The following INVS variants were observed in gnomAD, a reference collection of about 807,000 sequenced individuals.
The protein encoded by INVS is inversin, also known as inversion of embryo turning homolog.
INVS carries 86 observed loss-of-function variants against 108.8 expected under a neutral mutation model. That is an observed-to-expected ratio of 0.79 (90% CI 0.66 to 0.95). The LOEUF (loss-of-function observed/expected upper bound fraction) is 0.95, where lower values mean the gene tolerates loss of function less well. Among genes scored for constraint, INVS ranks in the 40% least tolerant of loss-of-function variants. The pLI is 0.00. For synonymous variants in INVS, 455 were observed against 473.5 expected (o/e 0.96, Z 0.51); for missense variants, 1,169 against 1,297.4 (o/e 0.90, Z 1.52).
At chr9:100,183,663 C>A (rs143628404) in intron 3 of INVS, among the ~76,000 whole-genome samples, 4 of 151,698 alleles carry the variant, frequency 2.6e-5, no homozygotes, top group East Asian at 3.9e-4. Context: ...TGTGGTGATG[C>A]GCCTGTAGTC....
chr9:100,194,014 T>C (rs1321717030), intron 3 of INVS, among the ~76,000 whole-genome samples: 1 of 152,252 alleles, frequency 6.6e-6, no homozygotes, highest in African/African-American at 2.4e-5. Flanking sequence ...TGTTTTGGGC[T>C]ATTACTAATG....
rs1827020587 is a variant in INVS at position 100,102,296 on chromosome 9, A to C, written c.-24-2202A>C. On this transcript the variant is annotated intron_variant, in intron 1 of 16. Transcript: ENST00000262457. ...GTGTTTTTAGTAGGGACGGGGTTTC[A>C]CCATATTGGTCAGGCTGGTCTCTCA... 2.0e-5 allele frequency among the ~76,000 whole-genome samples: 3 copies of C among 151,984 alleles called. No homozygotes were observed. In the South Asian group the frequency reaches 6.2e-4, roughly 32 times the overall value.
intron 3 of INVS, among the ~76,000 whole-genome samples, chr9:100,138,175 G>A (rs1447306316): frequency 6.6e-6 from 1 of 152,196 alleles, no homozygotes; most frequent in African/African-American, 2.4e-5. Flanking sequence ...GGAGGCTGAG[G>A]CAGGTGGATC....
intron 3 of INVS, among the ~76,000 whole-genome samples, chr9:100,133,785 A>ACACACACACACACACT (rs1280925232): frequency 6.6e-6 from 1 of 151,190 alleles, no homozygotes; most frequent in Non-Finnish European, 1.5e-5. Flanking sequence ...ACACACACAC[A>ACACACACACACACACT]CACACACACA....
At chr9:100,275,360 G>A (rs776615202) in intron 12 of INVS, among the ~76,000 whole-genome samples, 1 of 152,124 alleles carries the variant, frequency 6.6e-6, no homozygotes, top group Non-Finnish European at 1.5e-5. Flanking sequence ...TTCAAAATTT[G>A]TAGTCATACC....
At chr9:100,196,256 C>T (rs558552990) in intron 3 of INVS, among the ~76,000 whole-genome samples, 1 of 152,152 alleles carries the variant, frequency 6.6e-6, no homozygotes, top group South Asian at 2.1e-4. Flanking sequence ...TCTCCAAGGC[C>T]CCTCAGGAAG....
chr9:100,283,286 A>G (rs1833333970), intron 12 of INVS, among the ~76,000 whole-genome samples: 1 of 152,236 alleles, frequency 6.6e-6, no homozygotes, highest in South Asian at 2.1e-4. Flanking sequence ...ACTCTAGCCT[A>G]GGTAAAAGAC....
chr9:100,142,047 G>C (rs1252875324), intron 3 of INVS, among the ~76,000 whole-genome samples: 1 of 152,206 alleles, frequency 6.6e-6, no homozygotes, highest in Admixed American at 6.5e-5. Flanking sequence ...CTAGCTGCTT[G>C]TCTAGCCACC....
chr9:100,284,296 CT>C, intron 12 of INVS, 23 bp from the exon 13 acceptor site: 1 of 1,613,026 alleles, frequency 6.2e-7, no homozygotes, highest in Non-Finnish European at 8.5e-7. Context: ...ATTTTTTCAT[CT>C]TCTTCTTTGG....
chr9:100,278,685 G>A (rs1833184463), intron 12 of INVS, among the ~76,000 whole-genome samples: 1 of 152,210 alleles, frequency 6.6e-6, no homozygotes, highest in South Asian at 2.1e-4. Context: ...CTGTCAAACG[G>A]AAGGGTTAGA....
intron 2 of INVS, chr9:100,117,187 G>T (rs2118862835): frequency 9.3e-7 from 1 of 1,078,486 alleles, no homozygotes; most frequent in Non-Finnish European, 1.4e-6. Context: ...TACGGATGGT[G>T]GTGGCCACTT....
In INVS at chr9:100,117,656, T is replaced by C. The variant is rs1827586416; in HGVS notation, c.107-8727T>C. The C allele has an allele frequency of 4.6e-5, 27 of 586,850 alleles. 1 individual carries two copies. The South Asian group carries it at 5.4e-4, about 12-fold the overall frequency. The allele number at this position is 586,850 out of a possible 1,614,324, so 36.4% of individuals were successfully genotyped here. A position where few individuals can be genotyped will look rare whatever the true frequency, so the allele number is the denominator to read the frequency against. ...TGCACCGGCGTTATCAGCCATTTGG[T>C]GTTTTCTCGGAGAAGAAGCAGTTAT... On this transcript the variant is annotated intron_variant, in intron 2 of 16. Coordinates refer to ENST00000262457, the MANE Select transcript of INVS (RefSeq NM_014425.5).
chr9:100,184,709 A>C (rs576627749), intron 3 of INVS, among the ~76,000 whole-genome samples: 4 of 152,186 alleles, frequency 2.6e-5, no homozygotes, highest in African/African-American at 9.6e-5. Context: ...CATGGTATAC[A>C]AAAAAATGCA....
At chr9:100,193,194 G>T (rs1412189849) in intron 3 of INVS, among the ~76,000 whole-genome samples, 2 of 151,956 alleles carry the variant, frequency 1.3e-5, no homozygotes, top group African/African-American at 2.4e-5. Context: ...TGCCCAGGCT[G>T]GTCTTATACT....
At chr9:100,163,130 A>G (rs937554451) in intron 3 of INVS, among the ~76,000 whole-genome samples, 1 of 147,122 alleles carries the variant, frequency 6.8e-6, no homozygotes, top group Non-Finnish European at 1.5e-5. Context: ...AGCTCTACAG[A>G]CTCTTTCTTG....
chr9:100,201,795 A>G (rs1364020411), intron 3 of INVS, among the ~76,000 whole-genome samples: 1 of 152,246 alleles, frequency 6.6e-6, no homozygotes, highest in Non-Finnish European at 1.5e-5. Context: ...GTATACTTTA[A>G]ACAGCTATCC....
In INVS at chr9:100,272,970, T is replaced by G. The variant is rs1374334621; in HGVS notation, c.1678T>G (p.Phe560Val). The G allele has an allele frequency of 1.2e-6, 2 of 1,614,062 alleles. No homozygotes were observed. The highest frequency in any genetic ancestry group is 3.3e-5 in the Admixed American group (2 of 60,000). The change falls in exon 12 of 17, where the codon TTC (phenylalanine) becomes GTC (valine). Residue 560 changes from phenylalanine to valine, a missense_variant. Coordinates refer to ENST00000262457, the MANE Select transcript of INVS (RefSeq NM_014425.5). ...CGCAGCCATACAAGACATCGCCGCC[T>G]TCAAAATCCAAGCTGTCTACAAAGG... ...SIAAIQDIAAFKIQAVYKGYK... is the reference protein window; with the variant it reads ...SIAAIQDIAAVKIQAVYKGYK...
Position 100,124,396 on chromosome 9 carries a change from T to C in INVS, c.107-1987T>C, listed in dbSNP as rs983576048. ...CCACATCATACAGCAAGGTTATCTTTGCTTTCAATCATCGAAACATAACTC... is the reference window on the plus strand; with the variant it reads ...CCACATCATACAGCAAGGTTATCTTCGCTTTCAATCATCGAAACATAACTC... On this transcript the variant is annotated intron_variant, in intron 2 of 16. Coordinates refer to ENST00000262457, the MANE Select transcript of INVS (RefSeq NM_014425.5). 4.6e-5 allele frequency among the ~76,000 whole-genome samples: 7 copies of C among 152,094 alleles called. No homozygotes were observed. The South Asian group carries it at 6.2e-4, about 13-fold the overall frequency.
intron 3 of INVS, among the ~76,000 whole-genome samples, chr9:100,201,619 T>C (rs1240371050): frequency 6.6e-6 from 1 of 152,156 alleles, no homozygotes; most frequent in Non-Finnish European, 1.5e-5. Context: ...TTGCTAATTA[T>C]AGACATAAAT....
Sources: gnomAD v4.1 joint callset for allele counts (sites outside exome capture counted in the v4.1 genomes callset) on GRCh38, gnomAD v4.1.1 for gene constraint, MANE v1.5 for transcripts, NCBI Gene and HGNC (gene_info 2026-07-23, HGNC 2026-07-21) for gene names.